RABGAP1L: variants seen among roughly 807,000 people sequenced by gnomAD.
RABGAP1L encodes the protein RAB GTPase activating protein 1 like.
In RABGAP1L, 63 loss-of-function variants were observed where a neutral mutation model predicts 137.7. The ratio of observed to expected loss-of-function variants is 0.46; its 90% CI spans 0.37 to 0.56. RABGAP1L has a LOEUF of 0.56. Among genes scored for constraint, RABGAP1L ranks in the 20% least tolerant of loss-of-function variants. The probability of loss-of-function intolerance (pLI) is 0.00; values close to 1 mark genes in which losing one functional copy is unlikely to be tolerated. For missense variants in RABGAP1L, 1,095 were observed against 1,244.0 expected (o/e 0.88, Z 1.80); for synonymous variants, 431 against 433.7 (o/e 0.99, Z 0.08).
At chr1:174,554,732 GAAAAT>G (rs1020788646) in intron 13 of RABGAP1L, among the ~76,000 whole-genome samples, 1 of 152,062 alleles carries the variant, frequency 6.6e-6, no homozygotes, top group Non-Finnish European at 1.5e-5. Context: ...AATTTTCTGT[GAAAAT>G]AAAATGTTTG....
intron 11 of RABGAP1L, among the ~76,000 whole-genome samples, chr1:174,342,364 A>G (rs1366947807): frequency 6.6e-6 from 1 of 152,068 alleles, no homozygotes; most frequent in East Asian, 1.9e-4. Flanking sequence ...TTTCCCTAGT[A>G]AGTATTGTTG....
chr1:174,327,988 T>TATATATATATATATATATATACACAC (rs1680644919), intron 11 of RABGAP1L, among the ~76,000 whole-genome samples: 1 of 22,802 alleles, frequency 4.4e-5, no homozygotes, highest in African/African-American at 1.4e-4. Context: ...TACACACACA[T>TATATATATATATATATATATACACAC]ATATATATAT....
At chr1:174,458,473 A>G (rs1203674443) in intron 13 of RABGAP1L, among the ~76,000 whole-genome samples, 3 of 152,068 alleles carry the variant, frequency 2.0e-5, no homozygotes, top group Non-Finnish European at 4.4e-5. Flanking sequence ...AGTGATTTCA[A>G]CCTGATTCAG....
chr1:174,754,593 C>T (rs1384127162), intron 18 of RABGAP1L, among the ~76,000 whole-genome samples: 2 of 152,036 alleles, frequency 1.3e-5, no homozygotes, highest in Non-Finnish European at 2.9e-5. Context: ...CCTCAAATTC[C>T]TGGGCTCAAG....
In RABGAP1L at chr1:174,534,775, CAAAAAAAAAAAAAAAAAA is replaced by C. The variant is rs71117567; in HGVS notation, c.1711-102588_1711-102571del. Among the ~76,000 whole-genome samples the C allele has an allele frequency of 2.7e-4, 19 of 71,624 alleles. 1 individual carries two copies. Among genetic ancestry groups the C allele is most frequent in the African/African-American group, 8.2e-4 (19 of 23,210 alleles). 47.0% of individuals were successfully genotyped at this position (71,624 alleles called of 152,430 possible). A position where few individuals can be genotyped will look rare whatever the true frequency, so the allele number is the denominator to read the frequency against. On this transcript the variant is annotated intron_variant, in intron 13 of 25. Coordinates refer to ENST00000681986, the MANE Select transcript of RABGAP1L (RefSeq NM_001366446.1). Reference sequence around the variant, plus strand: ...GGATGACAGAGCGAAACTCTGTCTCCAAAAAAAAAAAAAAAAAAAAAAAAAAAAATAATTAGAATAGTA... The same window carrying C: ...GGATGACAGAGCGAAACTCTGTCTCCAAAAAAAAAAATAATTAGAATAGTA...
chr1:174,623,174 C>G (rs1387884571), intron 13 of RABGAP1L, among the ~76,000 whole-genome samples: 1 of 152,106 alleles, frequency 6.6e-6, no homozygotes, highest in African/African-American at 2.4e-5. Flanking sequence ...TCTTGAGGAA[C>G]TATTTTATTA....
intron 19 of RABGAP1L, among the ~76,000 whole-genome samples, chr1:174,852,585 G>A (rs1434565953): frequency 2.6e-5 from 4 of 151,976 alleles, no homozygotes; most frequent in African/African-American, 2.4e-5. Flanking sequence ...AGGCTGAGGC[G>A]GGCTGATCAC....
In RABGAP1L at chr1:174,804,054, TA is replaced by T. The variant is rs1179935975; in HGVS notation, c.2212-7765del. ...CTAGGTGACAGAATGAGATTCCGTC[TA>T]AAAAAAAAAAAATTCACCTTAAAAT... On this transcript the variant is annotated intron_variant, in intron 18 of 25. Coordinates refer to ENST00000681986, the MANE Select transcript of RABGAP1L (RefSeq NM_001366446.1). Among the ~76,000 whole-genome samples the T allele has an allele frequency of 3.3e-3, 468 of 143,504 alleles. 2 individuals carry two copies. The highest frequency in any genetic ancestry group is 5.9e-3 in the African/African-American group (232 of 39,390). 94.1% of individuals were successfully genotyped at this position (143,504 alleles called of 152,430 possible).
intron 13 of RABGAP1L, among the ~76,000 whole-genome samples, chr1:174,461,844 C>T (rs1350173462): frequency 1.3e-5 from 2 of 152,114 alleles, no homozygotes; most frequent in East Asian, 3.8e-4. Context: ...AATTGACATT[C>T]AGTGGACTTA....
At chr1:174,175,735 C>T (rs894357970) in intron 1 of RABGAP1L, among the ~76,000 whole-genome samples, 1 of 151,442 alleles carries the variant, frequency 6.6e-6, no homozygotes, top group Non-Finnish European at 1.5e-5. Flanking sequence ...AAGCGATTCT[C>T]CTGCCTCAGC....
rs1670632840 is a variant in RABGAP1L at position 174,231,348 on chromosome 1, T to C, written c.535T>C (p.Ser179Pro). 2 of 1,613,350 alleles carry C rather than the reference T, an allele frequency of 1.2e-6. No individual in the cohort carries two copies. The highest frequency in any genetic ancestry group is 2.7e-5 in the African/African-American group (2 of 74,916). The change falls in exon 4 of 26, where the codon TCT becomes CCT. Residue 179 changes from serine (S) to proline (P), a missense_variant. By Grantham distance (74) the Ser-to-Pro change is moderately conservative. Transcript: ENST00000681986. ...GTATGTACCAAATGTTCCAGAAGGT[T>C]CTGTGAGGTAAGCTCTAATTTGTTT... The part of the protein sequence containing the change: ...TLYVPNVPEG[S>P]VRIIDQSSNV...
chr1:174,933,737 T>G (rs951159726), intron 19 of RABGAP1L, among the ~76,000 whole-genome samples: 2 of 152,174 alleles, frequency 1.3e-5, no homozygotes, highest in Admixed American at 1.3e-4. Flanking sequence ...AAAGGAGAGA[T>G]AGAGTCTCAA....
At chr1:174,581,120 C>A (rs1668716377) in intron 13 of RABGAP1L, among the ~76,000 whole-genome samples, 1 of 152,124 alleles carries the variant, frequency 6.6e-6, no homozygotes, top group Admixed American at 6.5e-5. Flanking sequence ...GACACTTCCT[C>A]AAAAGATTAG....
chr1:174,967,053 A>C (rs1669690766), intron 20 of RABGAP1L, among the ~76,000 whole-genome samples: 1 of 152,166 alleles, frequency 6.6e-6, no homozygotes, highest in Non-Finnish European at 1.5e-5. Context: ...ACCTACAGTT[A>C]ATATTGGTTG....
At chr1:174,488,317 GT>G (rs138608926) in intron 13 of RABGAP1L, among the ~76,000 whole-genome samples, 17,925 of 147,032 alleles carry the variant, frequency 0.12, 1,344 homozygotes, top group South Asian at 0.18. Flanking sequence ...CAGGATAAAA[GT>G]TTTTTTTTTT....
chr1:174,908,171 C>G (rs1190083334), intron 19 of RABGAP1L, among the ~76,000 whole-genome samples: 1 of 152,130 alleles, frequency 6.6e-6, no homozygotes, highest in Non-Finnish European at 1.5e-5. Context: ...GATGTTAAAT[C>G]TAAAAGGAGA....
At chr1:174,768,065 C>G (rs919103056) in intron 18 of RABGAP1L, among the ~76,000 whole-genome samples, 1 of 152,194 alleles carries the variant, frequency 6.6e-6, no homozygotes, top group Non-Finnish European at 1.5e-5. Flanking sequence ...GAGTACAATT[C>G]AAGATGAGAT....
intron 13 of RABGAP1L, among the ~76,000 whole-genome samples, chr1:174,574,391 T>G (rs1427239430): frequency 6.6e-6 from 1 of 152,194 alleles, no homozygotes; most frequent in African/African-American, 2.4e-5. Flanking sequence ...TTTAATCGAT[T>G]TACGTCTGAA....
chr1:174,946,932 A>T (rs1301584124), intron 19 of RABGAP1L, among the ~76,000 whole-genome samples: 1 of 71,800 alleles, frequency 1.4e-5, no homozygotes, highest in Non-Finnish European at 2.6e-5. Context: ...ATATATATAT[A>T]TATATATATG....
Sources: gnomAD v4.1 joint callset for allele counts (sites outside exome capture counted in the v4.1 genomes callset) on GRCh38, gnomAD v4.1.1 for gene constraint, MANE v1.5 for transcripts, NCBI Gene and HGNC (gene_info 2026-07-23, HGNC 2026-07-21) for gene names.